Variants in SSBP2 observed in about 807,000 individuals in gnomAD.
SSBP2 encodes the protein single-stranded DNA-binding protein 2.
SSBP2 carries 17 observed loss-of-function variants against 61.8 expected under a neutral mutation model. The observed-to-expected ratio is 0.28, with a 90% CI of 0.19 to 0.41. The LOEUF is 0.41. SSBP2 is among the 10% of genes least tolerant of loss of function. SSBP2 has a pLI of 1.00. For missense variants in SSBP2, 310 were observed against 458.7 expected (o/e 0.68, Z 2.96); for synonymous variants, 139 against 141.3 (o/e 0.98, Z 0.12).
chr5:81,602,604 C>T (rs1308567711), intron 4 of SSBP2, among the ~76,000 whole-genome samples: 1 of 152,162 alleles, frequency 6.6e-6, no homozygotes, highest in Non-Finnish European at 1.5e-5. Flanking sequence ...CCTGAGACCG[C>T]ATTTTCCTAA....
intron 4 of SSBP2, among the ~76,000 whole-genome samples, chr5:81,585,284 T>C (rs1198999035): frequency 3.3e-5 from 5 of 152,094 alleles, no homozygotes; most frequent in Non-Finnish European, 5.9e-5. Flanking sequence ...ACTACCTATC[T>C]TCAGTTTAAT....
At chr5:81,610,089 A>G (rs1745297293) in intron 4 of SSBP2, among the ~76,000 whole-genome samples, 1 of 152,190 alleles carries the variant, frequency 6.6e-6, no homozygotes, top group Non-Finnish European at 1.5e-5. Flanking sequence ...GGTATAAGCT[A>G]TAACACAGTC....
intron 4 of SSBP2, among the ~76,000 whole-genome samples, chr5:81,609,499 TA>T (rs1185034002): frequency 6.6e-6 from 1 of 152,212 alleles, no homozygotes; most frequent in Non-Finnish European, 1.5e-5. Context: ...TATGAACCCC[TA>T]AAGGGAGAAA....
At chr5:81,526,456 T>TA (rs1769945655) in intron 4 of SSBP2, among the ~76,000 whole-genome samples, 2 of 152,006 alleles carry the variant, frequency 1.3e-5, no homozygotes, top group Non-Finnish European at 2.9e-5. Context: ...CTGAAAGAGT[T>TA]AGTTTATTTT....
chr5:81,751,238 C>T (rs1274449283), upstream of SSBP2: 2 of 607,016 alleles, frequency 3.3e-6, no homozygotes, highest in East Asian at 2.9e-5. Context: ...CCGAAGCGCG[C>T]GGTGGCGGCT....
intron 3 of SSBP2, among the ~76,000 whole-genome samples, chr5:81,629,815 C>A (rs1747529442): frequency 6.6e-6 from 1 of 152,158 alleles, no homozygotes; most frequent in African/African-American, 2.4e-5. Flanking sequence ...TTAACATATT[C>A]ATCACCTCAC....
intron 4 of SSBP2, among the ~76,000 whole-genome samples, chr5:81,530,966 T>C (rs552718156): frequency 6.6e-6 from 1 of 152,166 alleles, no homozygotes; most frequent in East Asian, 1.9e-4. Flanking sequence ...TGCCTGTAAT[T>C]TGGCAATTTG....
intron 8 of SSBP2, among the ~76,000 whole-genome samples, chr5:81,470,901 G>C (rs529897628): frequency 2.0e-4 from 30 of 151,624 alleles, no homozygotes; most frequent in South Asian, 4.2e-4. Context: ...TAATATACCA[G>C]GTCTTATGAA....
chr5:81,594,685 A>C (rs1258351183), intron 4 of SSBP2, among the ~76,000 whole-genome samples: 2 of 152,232 alleles, frequency 1.3e-5, no homozygotes, highest in Non-Finnish European at 2.9e-5. Flanking sequence ...AGGATTAAGA[A>C]ACTCACTCAA....
At chr5:81,463,569 G>A (rs1203459543) in intron 9 of SSBP2, among the ~76,000 whole-genome samples, 3 of 151,910 alleles carry the variant, frequency 2.0e-5, no homozygotes, top group Non-Finnish European at 2.9e-5. Context: ...GCGTGGTGGC[G>A]CATGCCTGTG....
At chr5:81,511,457 T>C (rs957669612) in intron 5 of SSBP2, among the ~76,000 whole-genome samples, 1 of 152,224 alleles carries the variant, frequency 6.6e-6, no homozygotes, top group African/African-American at 2.4e-5. Flanking sequence ...ACATGTGCCA[T>C]GCTATAGCAT....
intron 4 of SSBP2, among the ~76,000 whole-genome samples, chr5:81,536,757 A>T (rs1314356806): frequency 6.6e-6 from 1 of 152,116 alleles, no homozygotes; most frequent in African/African-American, 2.4e-5. Flanking sequence ...ATGTGTTGCT[A>T]TATCTTAAAA....
intron 1 of SSBP2, among the ~76,000 whole-genome samples, chr5:81,744,231 C>T (rs1320637131): frequency 6.6e-6 from 1 of 152,062 alleles, no homozygotes; most frequent in Non-Finnish European, 1.5e-5. Context: ...TGTTATTTTA[C>T]AAAAAATATT....
intron 1 of SSBP2, among the ~76,000 whole-genome samples, chr5:81,663,072 G>T (rs1442555911): frequency 6.6e-6 from 1 of 152,052 alleles, no homozygotes; most frequent in Non-Finnish European, 1.5e-5. Context: ...TTCTTTCTAT[G>T]GTCTAGTTAT....
At chr5:81,501,874 T>C (rs1030290361) in intron 5 of SSBP2, among the ~76,000 whole-genome samples, 13 of 152,136 alleles carry the variant, frequency 8.5e-5, no homozygotes, top group Non-Finnish European at 1.5e-4. Flanking sequence ...CCTGGTGTTG[T>C]TTCTTGTACT....
chr5:81,614,998 A>C (rs897127112), intron 4 of SSBP2: 1 of 152,836 alleles, frequency 6.5e-6, no homozygotes, highest in Non-Finnish European at 1.5e-5. Context: ...ATCCACAATA[A>C]ATTTTATTTG....
chr5:81,547,036 CAAAAAAA>C (rs61254614), intron 4 of SSBP2, among the ~76,000 whole-genome samples: 9 of 53,866 alleles, frequency 1.7e-4, no homozygotes, highest in Middle Eastern at 0.014. Flanking sequence ...AAATCTTGGC[CAAAAAAA>C]AAAAAAAAAA....
intron 1 of SSBP2, among the ~76,000 whole-genome samples, chr5:81,673,593 T>C (rs1389508825): frequency 6.6e-6 from 1 of 151,880 alleles, no homozygotes; most frequent in East Asian, 1.9e-4. Flanking sequence ...ATTAATAGAC[T>C]ATAAGAACTA....
intron 4 of SSBP2, among the ~76,000 whole-genome samples, chr5:81,565,248 T>C (rs1172684346): frequency 6.6e-6 from 1 of 152,166 alleles, no homozygotes; most frequent in African/African-American, 2.4e-5. Context: ...CTTTAAAAAA[T>C]CTAGACAAAG....
Sources: gnomAD v4.1 joint callset for allele counts (sites outside exome capture counted in the v4.1 genomes callset) on GRCh38, gnomAD v4.1.1 for gene constraint, MANE v1.5 for transcripts, NCBI Gene and HGNC (gene_info 2026-07-23, HGNC 2026-07-21) for gene names.